The following MYT1L variants were observed in gnomAD, a reference collection of about 807,000 sequenced individuals.
MYT1L encodes the protein myelin transcription factor 1 like, also known as myelin transcription factor 1-like protein.
Under a neutral mutation model 126.7 loss-of-function variants are expected in MYT1L, and 12 were observed. The ratio of observed to expected loss-of-function variants is 0.09; its 90% CI spans 0.06 to 0.15. The LOEUF (loss-of-function observed/expected upper bound fraction) is 0.15. MYT1L is among the 10% of genes least tolerant of loss of function. The pLI is 1.00. For missense variants in MYT1L, 979 were observed against 1,585.2 expected, an observed-to-expected ratio of 0.62 and a Z score of 6.49; for synonymous variants, 541 against 604.2, an observed-to-expected ratio of 0.90 and a Z score of 1.53.
At chr2:1,950,186 G>C (rs2057616916) in intron 8 of MYT1L, among the ~76,000 whole-genome samples, 1 of 151,884 alleles carries the variant, frequency 6.6e-6, no homozygotes, top group Non-Finnish European at 1.5e-5. Context: ...AACAGTGGAG[G>C]AGGTTTGCAA....
intron 1 of MYT1L, among the ~76,000 whole-genome samples, chr2:2,287,440 G>A (rs556190550): frequency 5.9e-5 from 9 of 152,212 alleles, no homozygotes; most frequent in South Asian, 2.1e-4. Flanking sequence ...AATTCTGGAC[G>A]TAAGACCTGT....
chr2:2,293,107 C>T (rs546290380), intron 1 of MYT1L, among the ~76,000 whole-genome samples: 1 of 152,296 alleles, frequency 6.6e-6, no homozygotes, highest in South Asian at 2.1e-4. Context: ...CATCTGGAGC[C>T]AGAGGGTCCC....
intron 3 of MYT1L, among the ~76,000 whole-genome samples, chr2:2,152,010 C>G (rs59210587): frequency 2.0e-5 from 3 of 152,284 alleles, no homozygotes; most frequent in South Asian, 2.1e-4. Context: ...GAGCCGAGAT[C>G]GCGCCACCAC....
At chr2:2,196,713 C>T (rs1018980484) in intron 2 of MYT1L, among the ~76,000 whole-genome samples, 27 of 151,578 alleles carry the variant, frequency 1.8e-4, no homozygotes, top group African/African-American at 6.0e-4. Context: ...GTCAATAAAA[C>T]CTAGTAAAAA....
chr2:1,978,392 C>A (rs1041565989), intron 8 of MYT1L, among the ~76,000 whole-genome samples: 1 of 152,156 alleles, frequency 6.6e-6, no homozygotes, highest in East Asian at 1.9e-4. Flanking sequence ...ATAATTGAAA[C>A]CTTTCTATTG....
chr2:1,807,414 G>A (rs1312538886), intron 22 of MYT1L, among the ~76,000 whole-genome samples: 3 of 152,114 alleles, frequency 2.0e-5, no homozygotes, highest in African/African-American at 7.2e-5. Flanking sequence ...CTCACTCTTG[G>A]TGGATTTGGG....
At chr2:2,243,783 T>C (rs1346601870) in intron 2 of MYT1L, among the ~76,000 whole-genome samples, 2 of 152,196 alleles carry the variant, frequency 1.3e-5, no homozygotes, top group Admixed American at 6.5e-5. Flanking sequence ...AGCAAAGTAG[T>C]GGAGTCACTT....
intron 2 of MYT1L, among the ~76,000 whole-genome samples, chr2:2,182,802 C>T (rs548044465): frequency 3.3e-5 from 5 of 152,248 alleles, no homozygotes; most frequent in East Asian, 3.9e-4. Flanking sequence ...AGTCCCAGCG[C>T]GGCCCACAAT....
chr2:2,312,612 A>G (rs2095992429), intron 1 of MYT1L, among the ~76,000 whole-genome samples: 1 of 152,078 alleles, frequency 6.6e-6, no homozygotes, highest in Non-Finnish European at 1.5e-5. Flanking sequence ...GAAAAAAAAG[A>G]ATATAACACT....
chr2:2,001,335 A>T (rs185193469), intron 4 of MYT1L, among the ~76,000 whole-genome samples: 52 of 149,694 alleles, frequency 3.5e-4, no homozygotes, highest in South Asian at 8.4e-4. Flanking sequence ...TGCACTTTAA[A>T]TTTTCAGTAC....
At position 1,835,223 on chromosome 2, in the gene MYT1L, AT is replaced by A. The variant is rs548284792; in HGVS notation, c.3080+3925del. Among the ~76,000 whole-genome samples the A allele has an allele frequency of 1.1e-3, 175 of 152,360 alleles. 1 individual carries two copies. Among genetic ancestry groups the A allele is most frequent in the African/African-American group, 4.0e-3 (166 of 41,578 alleles). ...TGAAAATATTTTAAGTCAAAAATTC[AT>A]TTAATACTTGTACTGACTCAATATC... On this transcript the variant is annotated intron_variant, in intron 21 of 24. Coordinates refer to ENST00000647738, the MANE Select transcript of MYT1L (RefSeq NM_001303052.2).
chr2:2,067,665 C>T (rs1391912015), intron 3 of MYT1L, among the ~76,000 whole-genome samples: 1 of 152,008 alleles, frequency 6.6e-6, no homozygotes, highest in Non-Finnish European at 1.5e-5. Context: ...ACAGGACCCC[C>T]ATAGCATTGA....
At chr2:1,805,396 C>T (rs149778862) in intron 22 of MYT1L, among the ~76,000 whole-genome samples, 43 of 152,260 alleles carry the variant, frequency 2.8e-4, no homozygotes, top group African/African-American at 8.2e-4. Context: ...GAAGCTGCTG[C>T]GCACTCTTGT....
chr2:1,815,724 G>A (rs1349690158), intron 21 of MYT1L, among the ~76,000 whole-genome samples: 4 of 152,218 alleles, frequency 2.6e-5, no homozygotes, highest in African/African-American at 7.2e-5. Flanking sequence ...CGGCCTCTCC[G>A]CACCAGACAG....
At chr2:2,051,454 T>C (rs1160408310) in intron 4 of MYT1L, among the ~76,000 whole-genome samples, 1 of 152,116 alleles carries the variant, frequency 6.6e-6, no homozygotes, top group Non-Finnish European at 1.5e-5. Context: ...TGTGACTGAG[T>C]ACCTAATACG....
At chr2:2,129,194 C>A (rs189998075) in intron 3 of MYT1L, among the ~76,000 whole-genome samples, 1 of 152,092 alleles carries the variant, frequency 6.6e-6, no homozygotes, top group South Asian at 2.1e-4. Context: ...AGAAGGTGGT[C>A]GGGAAGAAGT....
chr2:2,044,688 T>C (rs1293120718), intron 4 of MYT1L, among the ~76,000 whole-genome samples: 1 of 152,170 alleles, frequency 6.6e-6, no homozygotes. Context: ...GAGATGGTGA[T>C]TGGGCGATGG....
intron 3 of MYT1L, among the ~76,000 whole-genome samples, chr2:2,129,099 C>T (rs1398949987): frequency 2.6e-5 from 4 of 152,076 alleles, no homozygotes; most frequent in African/African-American, 9.7e-5. Flanking sequence ...GTAAAGAAAA[C>T]CTCGTTCACT....
intron 19 of MYT1L, among the ~76,000 whole-genome samples, chr2:1,847,291 G>T (rs897673752): frequency 3.7e-4 from 56 of 152,316 alleles, no homozygotes; most frequent in African/African-American, 1.3e-3. Flanking sequence ...CAGGTGCCCA[G>T]TGAATGTTCT....
Sources: allele counts gnomAD v4.1 joint callset (sites outside exome capture counted in the v4.1 genomes callset), GRCh38; gene constraint gnomAD v4.1.1; transcripts MANE v1.5; gene names NCBI Gene and HGNC (gene_info 2026-07-23, HGNC 2026-07-21).